The following LSAMP variants were observed in gnomAD, a reference collection of about 807,000 sequenced individuals.
The protein encoded by LSAMP is limbic system-associated membrane protein.
Under a neutral mutation model 38.6 loss-of-function variants are expected in LSAMP, and 7 were observed. The ratio of observed to expected loss-of-function variants is 0.18; its 90% confidence interval spans 0.10 to 0.34. The LOEUF is 0.34. Among genes scored for constraint, LSAMP ranks in the 10% least tolerant of loss-of-function variants. LSAMP has a pLI of 1.00. For synonymous variants in LSAMP, 154 were observed against 166.8 expected (o/e 0.92, Z 0.59); for missense variants, 313 against 420.0 (o/e 0.75, Z 2.23).
At chr3:115,897,530 T>C (rs1324291172) in intron 3 of LSAMP, among the ~76,000 whole-genome samples, 1 of 152,076 alleles carries the variant, frequency 6.6e-6, no homozygotes, top group Non-Finnish European at 1.5e-5. Context: ...GAATAACTAA[T>C]GAATAATTGT....
At chr3:116,318,270 T>C (rs1173170466) in intron 1 of LSAMP, among the ~76,000 whole-genome samples, 2 of 152,286 alleles carry the variant, frequency 1.3e-5, no homozygotes, top group South Asian at 2.1e-4. Flanking sequence ...TAGTAATAGA[T>C]TGTATGAGCC....
intron 2 of LSAMP, among the ~76,000 whole-genome samples, chr3:116,029,112 T>C (rs1328919432): frequency 7.9e-5 from 12 of 152,136 alleles, no homozygotes; most frequent in Non-Finnish European, 1.5e-5. Context: ...CATAAAAAAT[T>C]GGTCTTCTTT....
At chr3:116,245,127 T>C (rs980836850) in intron 1 of LSAMP, among the ~76,000 whole-genome samples, 1 of 152,258 alleles carries the variant, frequency 6.6e-6, no homozygotes, top group Admixed American at 6.5e-5. Context: ...GGGTGGGCCC[T>C]AATCAATATG....
intron 3 of LSAMP, among the ~76,000 whole-genome samples, chr3:116,008,384 A>T (rs1267897819): frequency 6.9e-6 from 1 of 144,590 alleles, no homozygotes; most frequent in African/African-American, 2.6e-5. Flanking sequence ...ACATTTGTAG[A>T]GAGACATACA....
At chr3:115,894,007 G>A (rs1431932437) in intron 3 of LSAMP, among the ~76,000 whole-genome samples, 2 of 151,928 alleles carry the variant, frequency 1.3e-5, no homozygotes, top group Admixed American at 6.6e-5. Context: ...TGTCACACAG[G>A]TCAAACCTCC....
At chr3:115,815,843 T>C (rs1933999857) in intron 6 of LSAMP, among the ~76,000 whole-genome samples, 1 of 152,186 alleles carries the variant, frequency 6.6e-6, no homozygotes, top group African/African-American at 2.4e-5. Flanking sequence ...CTCTTCCCTG[T>C]TGCCTTCAGT....
At chr3:116,399,441 A>T (rs1294912590) in intron 1 of LSAMP, among the ~76,000 whole-genome samples, 1 of 152,200 alleles carries the variant, frequency 6.6e-6, no homozygotes, top group Non-Finnish European at 1.5e-5. Flanking sequence ...TTGAGATGTT[A>T]AGGAAGAGAG....
At chr3:116,178,633 T>C (rs1710410514) in intron 1 of LSAMP, among the ~76,000 whole-genome samples, 1 of 152,118 alleles carries the variant, frequency 6.6e-6, no homozygotes, top group African/African-American at 2.4e-5. Flanking sequence ...GATATGTAGG[T>C]AACAGATAAT....
intron 1 of LSAMP, among the ~76,000 whole-genome samples, chr3:116,174,973 T>C (rs879761500): frequency 7.2e-5 from 11 of 152,158 alleles, no homozygotes; most frequent in Non-Finnish European, 1.3e-4. Flanking sequence ...TATGCCGACT[T>C]CTCCACTATC....
At chr3:115,842,388 T>G in intron 5 of LSAMP, 70 bp downstream of exon 5, 1 of 1,553,640 alleles carries the variant, frequency 6.4e-7, no homozygotes, top group Non-Finnish European at 8.7e-7. Flanking sequence ...GCTTTGGCTT[T>G]GTTGTGGGGA....
rs147340091 is a variant in LSAMP at position 116,289,839 on chromosome 3, A to T, written c.155+155038T>A. Among the ~76,000 whole-genome samples, 418 of 152,348 alleles carry T rather than the reference A, an allele frequency of 2.7e-3. 3 individuals carry two copies. The highest frequency in any genetic ancestry group is 9.2e-3 in the African/African-American group (384 of 41,580). ...TTTGCTACAAAGAAGAGAGTCACTCACGCTATCTTAGGAAAAGAGGATTTA... is the reference window on the plus strand; with the variant it reads ...TTTGCTACAAAGAAGAGAGTCACTCTCGCTATCTTAGGAAAAGAGGATTTA... On this transcript the variant is annotated intron_variant, in intron 1 of 6. Transcript: ENST00000490035.
At chr3:116,435,794 A>G (rs2049342031) in intron 1 of LSAMP, among the ~76,000 whole-genome samples, 1 of 152,202 alleles carries the variant, frequency 6.6e-6, no homozygotes, top group Non-Finnish European at 1.5e-5. Flanking sequence ...GAGGGTGTTC[A>G]AAGAATATCT....
chr3:115,873,989 C>A (rs1936116071), intron 3 of LSAMP, among the ~76,000 whole-genome samples: 1 of 152,116 alleles, frequency 6.6e-6, no homozygotes, highest in Admixed American at 6.6e-5. Flanking sequence ...TGCAGAGCCT[C>A]TATGTAATAA....
chr3:115,907,343 C>A (rs1937030921), intron 3 of LSAMP, among the ~76,000 whole-genome samples: 1 of 152,122 alleles, frequency 6.6e-6, no homozygotes, highest in African/African-American at 2.4e-5. Flanking sequence ...GAGGGCTCCA[C>A]CTTCATGAGT....
intron 3 of LSAMP, among the ~76,000 whole-genome samples, chr3:115,998,734 G>C (rs889147896): frequency 2.0e-5 from 3 of 152,086 alleles, no homozygotes; most frequent in Non-Finnish European, 4.4e-5. Context: ...TAGATGCTTT[G>C]AGACGAAGAG....
intron 1 of LSAMP, among the ~76,000 whole-genome samples, chr3:116,293,334 A>G (rs2047292513): frequency 6.6e-6 from 1 of 152,222 alleles, no homozygotes; most frequent in Non-Finnish European, 1.5e-5. Context: ...CTGAAACCTA[A>G]AAACTTTGCA....
chr3:116,125,813 C>A (rs925807277), intron 1 of LSAMP, among the ~76,000 whole-genome samples: 1 of 152,006 alleles, frequency 6.6e-6, no homozygotes, highest in Non-Finnish European at 1.5e-5. Flanking sequence ...ACAATGAAAA[C>A]TGAAAAAGAT....
intron 1 of LSAMP, among the ~76,000 whole-genome samples, chr3:116,212,151 G>A (rs2046165299): frequency 6.6e-6 from 1 of 152,174 alleles, no homozygotes; most frequent in Non-Finnish European, 1.5e-5. Flanking sequence ...ACTACTTCTG[G>A]AAAATAATGA....
intron 1 of LSAMP, among the ~76,000 whole-genome samples, chr3:116,221,167 AAAAGG>A (rs2046280495): frequency 1.3e-5 from 2 of 151,462 alleles, no homozygotes; most frequent in Admixed American, 6.6e-5. Context: ...AAAAAAAAAA[AAAAGG>A]AAAGGGGCAG....
Sources: allele counts gnomAD v4.1 joint callset (sites outside exome capture counted in the v4.1 genomes callset), GRCh38; gene constraint gnomAD v4.1.1; transcripts MANE v1.5; gene names NCBI Gene and HGNC (gene_info 2026-07-23, HGNC 2026-07-21).